Variants in CACNA1C observed in about 807,000 individuals in gnomAD.
CACNA1C encodes the protein calcium voltage-gated channel subunit alpha1 C, also known as voltage-dependent L-type calcium channel subunit alpha-1C.
CACNA1C carries 30 observed loss-of-function variants against 229.0 expected under a neutral mutation model. That is an observed-to-expected ratio of 0.13 (90% confidence interval 0.10 to 0.18). The LOEUF is 0.18. CACNA1C is among the 10% of genes least tolerant of loss of function. The probability of loss-of-function intolerance (pLI) is 1.00; values close to 1 mark genes in which losing one functional copy is unlikely to be tolerated. For synonymous variants in CACNA1C, 1,114 were observed against 1,132.5 expected (o/e 0.98, Z 0.33); for missense variants, 1,658 against 2,845.0 (o/e 0.58, Z 9.49).
chr12:2,645,289 A>G (rs921993242), intron 30 of CACNA1C, among the ~76,000 whole-genome samples: 3 of 152,322 alleles, frequency 2.0e-5, no homozygotes, highest in African/African-American at 2.4e-5. Context: ...TTCTTCCCCA[A>G]GAAAGACCAC....
chr12:2,094,779 A>G (rs990426116), intron 1 of CACNA1C, among the ~76,000 whole-genome samples: 10 of 152,124 alleles, frequency 6.6e-5, no homozygotes, highest in African/African-American at 2.4e-4. Flanking sequence ...CTTCAGGGGA[A>G]ATGTTGGGGG....
chr12:2,262,647 G>A (rs1388474937), intron 3 of CACNA1C, among the ~76,000 whole-genome samples: 1 of 152,204 alleles, frequency 6.6e-6, no homozygotes, highest in African/African-American at 2.4e-5. Flanking sequence ...AGGCCAGGAG[G>A]CATCCAGGAG....
chr12:2,292,336 C>G (rs2093595536), intron 3 of CACNA1C, among the ~76,000 whole-genome samples: 1 of 152,212 alleles, frequency 6.6e-6, no homozygotes, highest in South Asian at 2.1e-4. Flanking sequence ...CAGTTTCTGA[C>G]CTCCAAGGTG....
At chr12:1,994,386 A>T (rs2040287455) in intron 1 of CACNA1C, among the ~76,000 whole-genome samples, 1 of 152,258 alleles carries the variant, frequency 6.6e-6, no homozygotes, top group South Asian at 2.1e-4. Flanking sequence ...GATACTGATC[A>T]AGGAACACAG....
chr12:2,277,362 G>GACAGACACAC, intron 3 of CACNA1C, among the ~76,000 whole-genome samples: 1 of 72,232 alleles, frequency 1.4e-5, no homozygotes, highest in East Asian at 3.7e-4. Flanking sequence ...CAGACAGACA[G>GACAGACACAC]ACACACACAC....
Position 2,597,517 on chromosome 12 carries a change from C to A in CACNA1C, c.2853+228C>A. The A allele has an allele frequency of 2.8e-6, 4 of 1,453,466 alleles. No individual in the cohort carries two copies. Among genetic ancestry groups the A allele is most frequent in the Non-Finnish European group, 2.9e-6 (3 of 1,033,616 alleles). The allele number at this position is 1,453,466 out of a possible 1,614,324, so 90.0% of individuals were successfully genotyped here. On this transcript the variant is annotated intron_variant, in intron 21 of 46. Coordinates refer to ENST00000399655, the MANE Select transcript of CACNA1C (RefSeq NM_000719.7). This position sits in a 1 kb window ranked among gnomAD's most constrained non-coding sequence, Gnocchi z 4.3. Reference sequence around the variant, plus strand: ...TTAAGGTAATGCAACCTGGGCAATGCATCCTCTGTCGCTTTCTTTGTCTAT... The same window carrying A: ...TTAAGGTAATGCAACCTGGGCAATGAATCCTCTGTCGCTTTCTTTGTCTAT...
At chr12:2,577,929 C>T (rs1000132579) in intron 13 of CACNA1C, among the ~76,000 whole-genome samples, 11 of 149,262 alleles carry the variant, frequency 7.4e-5, no homozygotes, top group African/African-American at 2.0e-4. Context: ...AGTGCAGTGG[C>T]GCGATCTCGG....
Position 2,504,850 on chromosome 12 carries a change from T to A in CACNA1C, c.1122T>A (p.Asp374Glu). The change falls in exon 8 of 47, where the codon GAT becomes GAA. Residue 374 changes from aspartate to glutamate, a missense_variant. This residue lies in a region of CACNA1C where 84 missense variants were observed against 202.6 expected (regional missense o/e 0.41). Coordinates refer to ENST00000399655, the MANE Select transcript of CACNA1C (RefSeq NM_000719.7). This position sits in a 1 kb window ranked among gnomAD's most constrained non-coding sequence, Gnocchi z 6.8. ...GWTDVLYWVN[D>E]AVGRDWPWIY... ...TCATTCCGTTCTTCCAGGTCAATGA[T>A]GCCGTAGGAAGGGACTGGCCCTGGA... The A allele has an allele frequency of 6.4e-7, 1 of 1,574,348 alleles. No homozygotes were observed. The highest frequency in any genetic ancestry group is 8.7e-7 in the Non-Finnish European group (1 of 1,144,014).
At chr12:2,173,456 C>T (rs538383556) in intron 3 of CACNA1C, among the ~76,000 whole-genome samples, 23 of 152,268 alleles carry the variant, frequency 1.5e-4, no homozygotes, top group African/African-American at 4.1e-4. Flanking sequence ...GAAGGAAAGG[C>T]GGCAGATTAT....
chr12:2,398,294 G>T (rs2098623176), intron 3 of CACNA1C, among the ~76,000 whole-genome samples: 1 of 152,234 alleles, frequency 6.6e-6, no homozygotes, highest in African/African-American at 2.4e-5. Flanking sequence ...ACCAGGCCAA[G>T]AAAATTGTAT....
At chr12:2,668,851 C>T in intron 37 of CACNA1C, 82 bp from the exon 38 acceptor site, 1 of 902,488 alleles carries the variant, frequency 1.1e-6, no homozygotes, top group Non-Finnish European at 1.9e-6. Flanking sequence ...CAGAGCCAAA[C>T]CATATCACTC....
intron 3 of CACNA1C, among the ~76,000 whole-genome samples, chr12:2,341,737 C>G (rs1263021187): frequency 1.3e-5 from 2 of 152,208 alleles, no homozygotes; most frequent in Non-Finnish European, 2.9e-5. Flanking sequence ...GGAACTAGTA[C>G]GAGCACGTGT....
At chr12:2,643,634 A>G (rs1236197304) in intron 30 of CACNA1C, among the ~76,000 whole-genome samples, 7 of 152,140 alleles carry the variant, frequency 4.6e-5, no homozygotes, top group Admixed American at 4.6e-4. Flanking sequence ...AGTGGCTCCA[A>G]GATTCAGCAC....
chr12:2,268,260 A>G (rs1356116096), intron 3 of CACNA1C, among the ~76,000 whole-genome samples: 1 of 152,128 alleles, frequency 6.6e-6, no homozygotes, highest in African/African-American at 2.4e-5. Flanking sequence ...GGTGGGGTCG[A>G]CAGCCAGAGG....
intron 13 of CACNA1C, among the ~76,000 whole-genome samples, chr12:2,581,352 G>A (rs1009919851): frequency 2.6e-5 from 4 of 152,126 alleles, no homozygotes; most frequent in Admixed American, 2.6e-4. Flanking sequence ...GCTAGGTCGC[G>A]GGCTTCTGAC....
intron 3 of CACNA1C, among the ~76,000 whole-genome samples, chr12:2,155,056 G>A (rs908571669): frequency 6.6e-6 from 1 of 152,152 alleles, no homozygotes; most frequent in Non-Finnish European, 1.5e-5. Context: ...GTGAATCCTG[G>A]CATTGTGGGA....
chr12:2,291,145 A>C (rs918265231), intron 3 of CACNA1C, among the ~76,000 whole-genome samples: 10 of 152,238 alleles, frequency 6.6e-5, no homozygotes, highest in African/African-American at 2.4e-4. Context: ...TAAAGCACCT[A>C]CTAGCGTGTC....
chr12:2,108,569 C>T lies in CACNA1C; in HGVS notation c.50-6655C>T, dbSNP rs927753530. On this transcript the variant is annotated intron_variant, in intron 1 of 46. Transcript: ENST00000399655. The surrounding 1 kb of genome is among the most constrained non-coding windows in gnomAD (Gnocchi z 5.3). ...GGAGGTTGGGAGCCATTGTGTTTAG[C>T]CCTCTGGCCCCTGCAGTCCAGCGGG... Among the ~76,000 whole-genome samples the T allele has an allele frequency of 2.0e-5, 3 of 152,188 alleles. No individual in the cohort carries two copies. The highest frequency in any genetic ancestry group is 7.2e-5 in the African/African-American group (3 of 41,446).
chr12:2,402,737 C>T (rs370664594), intron 3 of CACNA1C, among the ~76,000 whole-genome samples: 56 of 152,310 alleles, frequency 3.7e-4, no homozygotes, highest in African/African-American at 1.3e-3. Context: ...CCGAACCAGA[C>T]TTGTAGGCCC....
Sources: allele counts gnomAD v4.1 joint callset (sites outside exome capture counted in the v4.1 genomes callset), GRCh38; gene constraint gnomAD v4.1.1; regional missense constraint gnomAD v4.1.1; non-coding constraint Gnocchi (gnomAD v3.1); transcripts MANE v1.5; gene names NCBI Gene and HGNC (gene_info 2026-07-23, HGNC 2026-07-21).